The following ABCB1 variants were observed in gnomAD, a reference collection of about 807,000 sequenced individuals.
ABCB1 encodes ATP binding cassette subfamily B member 1.
A neutral mutation model predicts 142.0 loss-of-function variants in ABCB1; 69 were observed. That is an observed-to-expected ratio of 0.49 (90% CI 0.40 to 0.59). ABCB1 has a LOEUF of 0.59. Among genes scored for constraint, ABCB1 ranks in the 20% least tolerant of loss-of-function variants. The pLI is 0.00. For missense variants in ABCB1, 1,326 were observed against 1,554.7 expected (o/e 0.85, Z 2.47); for synonymous variants, 532 against 539.2 (o/e 0.99, Z 0.18).
At chr7:87,586,894 G>A (rs1160699097) in intron 3 of ABCB1, among the ~76,000 whole-genome samples, 1 of 84,212 alleles carries the variant, frequency 1.2e-5, no homozygotes, top group Non-Finnish European at 2.6e-5. Flanking sequence ...GATATGGTGT[G>A]TAAAAAAGAG....
intron 26 of ABCB1, 161 bp from the exon 27 acceptor site, chr7:87,506,204 CA>C: frequency 1.5e-6 from 1 of 689,000 alleles, no homozygotes; most frequent in Non-Finnish European, 2.4e-6. Flanking sequence ...TAAAAAAGCC[CA>C]AAATGGCAGG....
At chr7:87,667,783 A>G (rs906828469) in intron 1 of ABCB1, among the ~76,000 whole-genome samples, 1 of 152,110 alleles carries the variant, frequency 6.6e-6, no homozygotes, top group Non-Finnish European at 1.5e-5. Flanking sequence ...GTGATGAATC[A>G]TGTTTATTGA....
At chr7:87,543,477 CT>C (rs1563043642) in intron 17 of ABCB1, among the ~76,000 whole-genome samples, 1 of 152,100 alleles carries the variant, frequency 6.6e-6, no homozygotes, top group Non-Finnish European at 1.5e-5. Context: ...TGATCAATCT[CT>C]TTCTCCACAA....
At chr7:87,593,350 G>C (rs1819072130) in intron 3 of ABCB1, among the ~76,000 whole-genome samples, 1 of 151,974 alleles carries the variant, frequency 6.6e-6, no homozygotes, top group Non-Finnish European at 1.5e-5. Context: ...GTTGAAACAA[G>C]GTCTGATATA....
chr7:87,561,236 C>T (rs566606575), intron 8 of ABCB1, 27 bp downstream of exon 8: 7 of 1,612,698 alleles, frequency 4.3e-6, no homozygotes, highest in Non-Finnish European at 5.9e-6. Context: ...TTTAACATAT[C>T]TATCCATTTA....
Position 87,550,063 on chromosome 7 carries a change from A to G in ABCB1, c.1351-9T>C, listed in dbSNP as rs368991349. 3.1e-6 allele frequency: 5 copies of G among 1,614,078 alleles called. No homozygotes were observed. The African/African-American group carries it at 5.3e-5, about 17-fold the overall frequency. ...TGTCCATCAACACTGACCTGGAATAAAAAGTAAGTGTGACTTTCATACATT... is the reference window on the plus strand; with the variant it reads ...TGTCCATCAACACTGACCTGGAATAGAAAGTAAGTGTGACTTTCATACATT... On this transcript the variant is annotated splice_polypyrimidine_tract_variant and intron_variant, in intron 12 of 27. Transcript: ENST00000622132.
chr7:87,575,867 G>A (rs1818251624), intron 4 of ABCB1, among the ~76,000 whole-genome samples: 1 of 152,174 alleles, frequency 6.6e-6, no homozygotes, highest in Non-Finnish European at 1.5e-5. Flanking sequence ...ACCAAGTGCT[G>A]GCATTTGCTT....
chr7:87,663,366 G>A (rs1824904524), intron 1 of ABCB1, among the ~76,000 whole-genome samples: 3 of 151,958 alleles, frequency 2.0e-5, no homozygotes, highest in South Asian at 2.1e-4. Context: ...GTCCAGTTCA[G>A]CTGCATTCTT....
At chr7:87,609,146 A>G (rs1819762120) in intron 1 of ABCB1, among the ~76,000 whole-genome samples, 1 of 152,118 alleles carries the variant, frequency 6.6e-6, no homozygotes, top group African/African-American at 2.4e-5. Context: ...AAAACAGAGC[A>G]GGGGAAAGAG....
intron 21 of ABCB1, chr7:87,521,995 G>A: frequency 1.2e-6 from 1 of 861,400 alleles, no homozygotes; most frequent in South Asian, 1.3e-5. Context: ...GTGAAGTTAG[G>A]AAAGCCCTGT....
intron 1 of ABCB1, among the ~76,000 whole-genome samples, chr7:87,703,901 TTTTTTTTTTTTG>T (rs1829334507): frequency 8.8e-6 from 1 of 113,328 alleles, no homozygotes; most frequent in Non-Finnish European, 1.9e-5. Flanking sequence ...TTTTTTTTTT[TTTTTTTTTTTTG>T]GTTTTTTTTT....
At chr7:87,548,490 G>T (rs1004682591) in intron 14 of ABCB1, among the ~76,000 whole-genome samples, 24 of 152,200 alleles carry the variant, frequency 1.6e-4, no homozygotes, top group Non-Finnish European at 2.4e-4. Flanking sequence ...AGAATGTTTA[G>T]TAAGCTGCTT....
intron 1 of ABCB1, among the ~76,000 whole-genome samples, chr7:87,696,540 C>T (rs1828509197): frequency 6.6e-6 from 1 of 152,130 alleles, no homozygotes; most frequent in Non-Finnish European, 1.5e-5. Flanking sequence ...CTAGGATATA[C>T]AGGCAATTTA....
chr7:87,585,528 T>C lies in ABCB1; in HGVS notation c.270A>G (p.Ser90=). Residue 90 remains serine, a synonymous_variant, in exon 4 of 28, where the codon TCA becomes TCG. Coordinates refer to ENST00000622132, the MANE Select transcript of ABCB1 (RefSeq NM_001348946.2). ...ANAGNLEDLM[S]NITNRSDIND... The stretch of plus-strand genomic sequence containing the variant: ...AATACTTACTTCTATTAGTGATGTT[T>C]GACATCAGATCTTCTAAATTTCCTG... 3 of 1,613,800 alleles carry C rather than the reference T, an allele frequency of 1.9e-6. No individual in the cohort carries two copies. The highest frequency in any genetic ancestry group is 1.7e-6 in the Non-Finnish European group (2 of 1,179,840).
chr7:87,590,155 G>T (rs1203710195), intron 3 of ABCB1, among the ~76,000 whole-genome samples: 1 of 152,100 alleles, frequency 6.6e-6, no homozygotes, highest in Non-Finnish European at 1.5e-5. Flanking sequence ...ACCTAATAAG[G>T]TCAGGCTTGG....
chr7:87,646,114 AT>A (rs1391666980), intron 1 of ABCB1, among the ~76,000 whole-genome samples: 1 of 152,198 alleles, frequency 6.6e-6, no homozygotes, highest in Non-Finnish European at 1.5e-5. Context: ...GTTTAAAGTA[AT>A]TTAGTGCTCT....
At chr7:87,550,973 A>C (rs1817039501) in intron 9 of ABCB1, 135 bp from the exon 10 acceptor site, 5 of 660,710 alleles carry the variant, frequency 7.6e-6, no homozygotes, top group Non-Finnish European at 1.3e-5. Context: ...CTAGGTGTTA[A>C]AAATATTTTA....
At chr7:87,702,142 CAAAAA>C (rs146127516) in intron 1 of ABCB1, among the ~76,000 whole-genome samples, 11 of 16,770 alleles carry the variant, frequency 6.6e-4, no homozygotes, top group African/African-American at 1.4e-3. Context: ...GACTCTGTCT[CAAAAA>C]AAAAAAAAAA....
intron 1 of ABCB1, among the ~76,000 whole-genome samples, chr7:87,702,059 C>A (rs921187246): frequency 1.5e-5 from 2 of 135,546 alleles, no homozygotes; most frequent in Admixed American, 8.4e-5. Context: ...AGGAGAATGG[C>A]GTGAACCCAG....
Sources: gnomAD v4.1 joint callset for allele counts (sites outside exome capture counted in the v4.1 genomes callset) on GRCh38, gnomAD v4.1.1 for gene constraint, MANE v1.5 for transcripts, NCBI Gene and HGNC (gene_info 2026-07-23, HGNC 2026-07-21) for gene names.